Variants in PLEKHA6 observed in about 807,000 individuals in gnomAD.
PLEKHA6 encodes pleckstrin homology domain-containing family A member 6.
A neutral mutation model predicts 116.7 loss-of-function variants in PLEKHA6; 60 were observed. The observed-to-expected ratio is 0.51, with a 90% CI of 0.42 to 0.64. The LOEUF (loss-of-function observed/expected upper bound fraction) is 0.64. Among genes scored for constraint, PLEKHA6 ranks in the 30% least tolerant of loss-of-function variants. PLEKHA6 has a pLI of 0.00. For missense variants in PLEKHA6, 1,338 were observed against 1,422.7 expected (o/e 0.94, Z 0.96); for synonymous variants, 489 against 556.1 (o/e 0.88, Z 1.70).
At chr1:204,244,586 G>C (rs12031222) in intron 15 of PLEKHA6, among the ~76,000 whole-genome samples, 69,677 of 151,980 alleles carry the variant, frequency 0.46, 16,478 homozygotes, top group South Asian at 0.54. Context: ...TTAAATTCTT[G>C]TGAAATGCAT....
intron 18 of PLEKHA6, among the ~76,000 whole-genome samples, chr1:204,229,456 C>T (rs1660854486): frequency 6.6e-6 from 1 of 152,222 alleles, no homozygotes; most frequent in African/African-American, 2.4e-5. Flanking sequence ...TGCTGTCACT[C>T]TAGCTGGAGT....
In PLEKHA6 at chr1:204,220,348, C is replaced by A. The variant is rs919731822; in HGVS notation, c.*2440G>T. On this transcript the variant is annotated 3_prime_UTR_variant, in exon 23 of 23. Coordinates refer to ENST00000272203, the MANE Select transcript of PLEKHA6 (RefSeq NM_014935.5). ...TAATAAAATCCTTAGGCCAGGACTT[C>A]CGAGGGAATGCCCTGCCCCCGGCAA... The A allele has an allele frequency of 2.0e-5, 3 of 152,302 alleles. No homozygotes were observed. The highest frequency in any genetic ancestry group is 4.8e-5 in the African/African-American group (2 of 41,444). 9.4% of individuals were successfully genotyped at this position (152,302 alleles called of 1,614,324 possible). A position where few individuals can be genotyped will look rare whatever the true frequency, so the allele number is the denominator to read the frequency against.
At chr1:204,290,011 T>C (rs1032676876) in intron 1 of PLEKHA6, among the ~76,000 whole-genome samples, 4 of 152,200 alleles carry the variant, frequency 2.6e-5, no homozygotes, top group African/African-American at 9.7e-5. Context: ...CACTGAAAAC[T>C]ATAAAACATT....
intron 1 of PLEKHA6, among the ~76,000 whole-genome samples, chr1:204,298,968 G>A (rs893173957): frequency 6.6e-6 from 1 of 152,210 alleles, no homozygotes; most frequent in African/African-American, 2.4e-5. Context: ...AAGTGAATGA[G>A]CCAGCACACA....
intron 17 of PLEKHA6, among the ~76,000 whole-genome samples, chr1:204,235,528 G>T (rs1307504436): frequency 1.3e-5 from 2 of 152,170 alleles, no homozygotes; most frequent in African/African-American, 4.8e-5. Context: ...AGAAAGAGCT[G>T]AAATTGTGTA....
intron 1 of PLEKHA6, among the ~76,000 whole-genome samples, chr1:204,331,781 C>A (rs1672459128): frequency 6.6e-6 from 1 of 152,130 alleles, no homozygotes; most frequent in African/African-American, 2.4e-5. Flanking sequence ...AGAGAGGCCC[C>A]TGGGAACATG....
chr1:204,247,026 C>T (rs1663790718), intron 13 of PLEKHA6, among the ~76,000 whole-genome samples: 1 of 152,144 alleles, frequency 6.6e-6, no homozygotes, highest in Non-Finnish European at 1.5e-5. Flanking sequence ...GTCCCAGCTA[C>T]TCAGGAGGCT....
upstream of PLEKHA6, among the ~76,000 whole-genome samples, chr1:204,361,750 C>G (rs1673565193): frequency 6.6e-6 from 1 of 152,240 alleles, no homozygotes; most frequent in African/African-American, 2.4e-5. Context: ...GCAAGGCTGC[C>G]AGGTGCAGGC....
At chr1:204,270,463 G>C (rs1362620840) in intron 3 of PLEKHA6, among the ~76,000 whole-genome samples, 2 of 152,106 alleles carry the variant, frequency 1.3e-5, no homozygotes, top group Non-Finnish European at 2.9e-5. Flanking sequence ...AACCAAGCCT[G>C]TTCTGCACTT....
At chr1:204,267,911 C>A (rs1667012991) in intron 4 of PLEKHA6, among the ~76,000 whole-genome samples, 1 of 152,086 alleles carries the variant, frequency 6.6e-6, no homozygotes, top group African/African-American at 2.4e-5. Flanking sequence ...ATAAGCAGGA[C>A]CTGCTGGGGA....
At chr1:204,318,857 C>G (rs144553653) in intron 1 of PLEKHA6, among the ~76,000 whole-genome samples, 7 of 152,266 alleles carry the variant, frequency 4.6e-5, no homozygotes, top group African/African-American at 1.7e-4. Flanking sequence ...TCTCCATGGT[C>G]CAGAGATGTT....
intron 1 of PLEKHA6, among the ~76,000 whole-genome samples, chr1:204,344,354 C>A (rs1172988249): frequency 1.3e-5 from 2 of 152,092 alleles, no homozygotes; most frequent in African/African-American, 4.8e-5. Context: ...AATCCTAGCA[C>A]TTTGGGAGGC....
In PLEKHA6 at chr1:204,267,475, C is replaced by A; in HGVS notation, c.280G>T (p.Asp94Tyr). The change falls in exon 5 of 23, where the codon GAT (aspartate) becomes TAT (tyrosine). Residue 94 changes from aspartate to tyrosine, a missense_variant and splice_region_variant. Asp to Tyr is a radical substitution (Grantham distance 160). This residue lies in a region of PLEKHA6 where 140 missense variants were observed against 197.4 expected (regional missense o/e 0.71). Transcript: ENST00000272203. ...CTGCCAGTCCAAGGGCCAAGCTCACCTTTATAGTAGAAGAGGCAGCGATCC... is the reference window on the plus strand; with the variant it reads ...CTGCCAGTCCAAGGGCCAAGCTCACATTTATAGTAGAAGAGGCAGCGATCC... ...LVDRCLFYYK[D>Y]EKEESILGSI... 1 of 1,613,664 alleles carries A rather than the reference C, an allele frequency of 6.2e-7. No homozygotes were observed. Among genetic ancestry groups the A allele is most frequent in the Non-Finnish European group, 8.5e-7 (1 of 1,179,676 alleles).
rs137934729 is a variant in PLEKHA6, at chr1:204,316,541, G to A, written c.-94-41732C>T. ...ACCACCCAGAGCTGGCAGAGCCTCC[G>A]GAGCTGAGTTTGCCCTGCCTCCCCA... On this transcript the variant is annotated intron_variant, in intron 1 of 22. Transcript: ENST00000272203. 3.3e-3 allele frequency among the ~76,000 whole-genome samples: 507 copies of A among 152,296 alleles called. 3 individuals are homozygous for A. The highest frequency in any genetic ancestry group is 0.011 in the African/African-American group (461 of 41,546).
intron 15 of PLEKHA6, among the ~76,000 whole-genome samples, 198 bp downstream of exon 15, chr1:204,244,665 AG>A (rs2102592367): frequency 6.6e-6 from 1 of 152,350 alleles, no homozygotes; most frequent in East Asian, 1.9e-4. Context: ...TGACAGATGG[AG>A]ATGAGAACAG....
intron 17 of PLEKHA6, among the ~76,000 whole-genome samples, chr1:204,237,776 T>G (rs1254871466): frequency 1.3e-5 from 2 of 152,240 alleles, no homozygotes; most frequent in Non-Finnish European, 2.9e-5. Context: ...GTGATAATCT[T>G]ATTCAGAAAG....
At chr1:204,329,783 G>C (rs934623361) in intron 1 of PLEKHA6, among the ~76,000 whole-genome samples, 3 of 152,074 alleles carry the variant, frequency 2.0e-5, no homozygotes, top group African/African-American at 4.8e-5. Flanking sequence ...GCTGCATGCA[G>C]TGACTCATTG....
chr1:204,341,008 A>G (rs1431324336), intron 1 of PLEKHA6, among the ~76,000 whole-genome samples: 1 of 152,126 alleles, frequency 6.6e-6, no homozygotes, highest in African/African-American at 2.4e-5. Flanking sequence ...GGATGTGGGG[A>G]AGACTGGGGT....
Position 204,261,672 on chromosome 1 carries a change from C to T in PLEKHA6, c.382-224G>A, listed in dbSNP as rs1405809161. ...ACCCACGTATCCACCTTGGCTGGCT[C>T]TCTGGGCACCATTAGGCAGCCCAAT... is the stretch of plus-strand genomic sequence containing the variant. On this transcript the variant is annotated intron_variant, in intron 6 of 22. Transcript: ENST00000272203. This position sits in a 1 kb window ranked among gnomAD's most constrained non-coding sequence, Gnocchi z 4.0. Among the ~76,000 whole-genome samples, 4 of 152,234 alleles carry T rather than the reference C, an allele frequency of 2.6e-5. No individual in the cohort carries two copies. The highest frequency in any genetic ancestry group is 2.0e-4 in the Admixed American group (3 of 15,290).
Sources: gnomAD v4.1 joint callset for allele counts (sites outside exome capture counted in the v4.1 genomes callset) on GRCh38, gnomAD v4.1.1 for gene constraint, gnomAD v4.1.1 regional missense constraint, Gnocchi (gnomAD v3.1) non-coding constraint, MANE v1.5 for transcripts, NCBI Gene and HGNC (gene_info 2026-07-23, HGNC 2026-07-21) for gene names.